TMEM132C: variants seen among roughly 807,000 people sequenced by gnomAD.
The protein encoded by TMEM132C is transmembrane protein 132C.
A neutral mutation model predicts 61.4 loss-of-function variants in TMEM132C; 29 were observed. The observed-to-expected ratio is 0.47, with a 90% confidence interval of 0.35 to 0.64. TMEM132C has a LOEUF of 0.64. Ranked by LOEUF, TMEM132C falls within the 30% of genes least tolerant of loss-of-function variation. TMEM132C has a pLI of 0.00. For synonymous variants in TMEM132C, 656 were observed against 633.1 expected (o/e 1.04, Z -0.54); for missense variants, 1,408 against 1,476.9 (o/e 0.95, Z 0.76).
intron 4 of TMEM132C, among the ~76,000 whole-genome samples, chr12:128,622,160 A>G (rs1196356840): frequency 6.6e-6 from 1 of 151,530 alleles, no homozygotes; most frequent in African/African-American, 2.4e-5. Context: ...CCTGGCCAAC[A>G]TGGTGAAACC....
intron 3 of TMEM132C, among the ~76,000 whole-genome samples, chr12:128,587,939 G>C (rs115194829): frequency 0.03 from 4,503 of 152,258 alleles, 226 homozygotes; most frequent in African/African-American, 0.1. Context: ...GGAGACCAGA[G>C]CTTAAGGATA....
At chr12:128,604,753 GATA>G (rs778439790) in intron 3 of TMEM132C, among the ~76,000 whole-genome samples, 43 of 151,196 alleles carry the variant, frequency 2.8e-4, no homozygotes, top group African/African-American at 8.6e-4. Flanking sequence ...TGGAGGGATA[GATA>G]ATAAATGGAT....
intron 5 of TMEM132C, among the ~76,000 whole-genome samples, chr12:128,672,450 C>T (rs979412362): frequency 6.6e-6 from 1 of 152,150 alleles, no homozygotes. Flanking sequence ...ACATAGCAAT[C>T]CTTAACTACT....
At chr12:128,336,064 TATC>T (rs985053766) in intron 1 of TMEM132C, among the ~76,000 whole-genome samples, 17 of 152,248 alleles carry the variant, frequency 1.1e-4, no homozygotes, top group Non-Finnish European at 4.4e-5. Flanking sequence ...AATTTTCCAT[TATC>T]ATTTTGTGTT....
At chr12:128,636,782 C>T (rs886831038) in intron 4 of TMEM132C, among the ~76,000 whole-genome samples, 4 of 152,100 alleles carry the variant, frequency 2.6e-5, no homozygotes, top group African/African-American at 4.8e-5. Context: ...CTCCCCCAGT[C>T]GCTGGCACCC....
chr12:128,676,258 T>G (rs947834253), intron 5 of TMEM132C, among the ~76,000 whole-genome samples: 1 of 152,194 alleles, frequency 6.6e-6, no homozygotes, highest in African/African-American at 2.4e-5. Context: ...GTCCTTTTTT[T>G]TTAAATTTTT....
chr12:128,604,540 A>G (rs1157619142), intron 3 of TMEM132C, among the ~76,000 whole-genome samples: 1 of 151,564 alleles, frequency 6.6e-6, no homozygotes, highest in East Asian at 1.9e-4. Context: ...GAAGATAGAT[A>G]GATAGATAAT....
chr12:128,387,140 CAAAAA>C (rs34160455), intron 1 of TMEM132C, among the ~76,000 whole-genome samples: 1 of 85,628 alleles, frequency 1.2e-5, no homozygotes, highest in African/African-American at 4.6e-5. Flanking sequence ...GACTCTGCCT[CAAAAA>C]AAAAAAAAAA....
At chr12:128,334,358 G>A (rs1024039071) in intron 1 of TMEM132C, among the ~76,000 whole-genome samples, 2 of 152,166 alleles carry the variant, frequency 1.3e-5, no homozygotes, top group Non-Finnish European at 2.9e-5. Context: ...TGGCAGAGGA[G>A]CCAGCTCCGG....
intron 4 of TMEM132C, among the ~76,000 whole-genome samples, chr12:128,632,042 C>T (rs565989444): frequency 2.4e-4 from 36 of 152,274 alleles, no homozygotes; most frequent in East Asian, 3.9e-4. Context: ...CTGTGACCCC[C>T]GGCTTTACAG....
intron 3 of TMEM132C, among the ~76,000 whole-genome samples, chr12:128,568,577 T>C (rs1593102823): frequency 6.6e-6 from 1 of 152,314 alleles, no homozygotes; most frequent in East Asian, 1.9e-4. Context: ...GGTTTACAGA[T>C]GCTGAAACTG....
In TMEM132C at chr12:128,669,545, C is replaced by T. The variant is rs568693738; in HGVS notation, c.1434C>T (p.Asp478=). 2.8e-5 allele frequency: 44 copies of T among 1,551,148 alleles called. No homozygotes were observed. Among genetic ancestry groups the T allele is most frequent in the South Asian group, 1.8e-4 (15 of 83,934 alleles). ...AGTCGGTGGAGTGCAAGTCCACAGA[C>T]GAGGACGTTATCAAAGTAAGTCATT... The part of the protein sequence containing the change: ...ISESVECKST[D]EDVIKVSERC... Residue 478 remains aspartate, a synonymous_variant, in exon 5 of 9, where the codon GAC becomes GAT. Transcript: ENST00000435159.
In TMEM132C at chr12:128,398,053, G is replaced by A. The variant is rs77114256; in HGVS notation, c.86-16679G>A. Among the ~76,000 whole-genome samples the A allele has an allele frequency of 1.2e-3, 179 of 152,292 alleles. 3 individuals are homozygous for A. The East Asian group carries it at 0.031, about 26-fold the overall frequency. On this transcript the variant is annotated intron_variant, in intron 1 of 8. Coordinates refer to ENST00000435159, the MANE Select transcript of TMEM132C (RefSeq NM_001136103.3). ...AGACCGAGATGGATGTCTTGCTGGT[G>A]CAATATTAAATAAGAACCACGATAA...
At chr12:128,286,403 T>C (rs1871075533) in intron 1 of TMEM132C, among the ~76,000 whole-genome samples, 2 of 152,174 alleles carry the variant, frequency 1.3e-5, no homozygotes, top group South Asian at 4.1e-4. Flanking sequence ...GGGAATATGA[T>C]GCTCAGTTTG....
intron 1 of TMEM132C, among the ~76,000 whole-genome samples, chr12:128,333,464 A>G (rs1872714625): frequency 6.7e-6 from 1 of 149,616 alleles, no homozygotes. Flanking sequence ...CATTGCTTGT[A>G]TTTGAGAGTG....
intron 1 of TMEM132C, among the ~76,000 whole-genome samples, chr12:128,397,808 A>G (rs1875015321): frequency 6.6e-6 from 1 of 152,100 alleles, no homozygotes; most frequent in African/African-American, 2.4e-5. Flanking sequence ...TCATACGCCC[A>G]TGCTGTCTTC....
intron 3 of TMEM132C, among the ~76,000 whole-genome samples, chr12:128,601,661 C>T (rs1176933780): frequency 2.0e-5 from 3 of 148,762 alleles, no homozygotes; most frequent in Non-Finnish European, 3.0e-5. Flanking sequence ...AGGTGGAGGG[C>T]GCTTGGCGGG....
At chr12:128,547,172 G>T (rs1432183948) in intron 3 of TMEM132C, among the ~76,000 whole-genome samples, 1 of 152,192 alleles carries the variant, frequency 6.6e-6, no homozygotes. Context: ...TGCCAGCCAG[G>T]AGTGTGTATT....
At chr12:128,622,478 G>A (rs1323484623) in intron 4 of TMEM132C, among the ~76,000 whole-genome samples, 1 of 146,658 alleles carries the variant, frequency 6.8e-6, no homozygotes, top group Non-Finnish European at 1.5e-5. Flanking sequence ...AAGACATCCT[G>A]TTGGGGTATC....
Sources: allele counts gnomAD v4.1 joint callset (sites outside exome capture counted in the v4.1 genomes callset), GRCh38; gene constraint gnomAD v4.1.1; transcripts MANE v1.5; gene names NCBI Gene and HGNC (gene_info 2026-07-23, HGNC 2026-07-21).